The following INPP4B variants were observed in gnomAD, a reference collection of about 807,000 sequenced individuals.
INPP4B encodes inositol polyphosphate-4-phosphatase type II B, also known as inositol polyphosphate 4-phosphatase type II.
A neutral mutation model predicts 122.5 loss-of-function variants in INPP4B; 55 were observed. That is an observed-to-expected ratio of 0.45 (90% CI 0.36 to 0.56). The LOEUF (loss-of-function observed/expected upper bound fraction) is 0.56, where lower values mean the gene tolerates loss of function less well. Among genes scored for constraint, INPP4B ranks in the 20% least tolerant of loss-of-function variants. INPP4B has a pLI of 0.00. For synonymous variants in INPP4B, 403 were observed against 388.7 expected (o/e 1.04, Z -0.43); for missense variants, 1,000 against 1,097.7 (o/e 0.91, Z 1.26).
intron 25 of INPP4B, among the ~76,000 whole-genome samples, chr4:142,046,111 A>T (rs1245916735): frequency 6.6e-6 from 1 of 152,092 alleles, no homozygotes; most frequent in Non-Finnish European, 1.5e-5. Context: ...ACAAACTTTG[A>T]GAAGGGCCAA....
At chr4:142,111,410 A>T (rs903677443) in intron 22 of INPP4B, among the ~76,000 whole-genome samples, 15 of 151,680 alleles carry the variant, frequency 9.9e-5, no homozygotes, top group Admixed American at 9.2e-4. Context: ...GCAATGGTGC[A>T]ATCTCAGCTC....
intron 9 of INPP4B, among the ~76,000 whole-genome samples, chr4:142,286,283 T>C (rs1439800209): frequency 6.6e-6 from 1 of 152,216 alleles, no homozygotes; most frequent in Non-Finnish European, 1.5e-5. Flanking sequence ...TTTAGAGATT[T>C]CCGATTATAA....
chr4:142,584,760 G>A (rs116157777), intron 2 of INPP4B, among the ~76,000 whole-genome samples: 2,134 of 150,552 alleles, frequency 0.014, 38 homozygotes, highest in African/African-American at 0.041. Context: ...GTTTTTTGGG[G>A]AAAAAAAAAG....
At chr4:142,611,315 C>A (rs1023070349) in intron 2 of INPP4B, among the ~76,000 whole-genome samples, 2 of 152,166 alleles carry the variant, frequency 1.3e-5, no homozygotes, top group Admixed American at 1.3e-4. Flanking sequence ...GTTCCGCCTC[C>A]AACACTGGGT....
At chr4:142,636,695 G>A (rs1323937790) in intron 2 of INPP4B, among the ~76,000 whole-genome samples, 1 of 151,834 alleles carries the variant, frequency 6.6e-6, no homozygotes, top group Non-Finnish European at 1.5e-5. Flanking sequence ...TATTCTATAT[G>A]GATTATCTAA....
chr4:142,323,068 C>A (rs1461725527), intron 7 of INPP4B, among the ~76,000 whole-genome samples: 1 of 152,180 alleles, frequency 6.6e-6, no homozygotes, highest in Non-Finnish European at 1.5e-5. Context: ...AAATATGGTT[C>A]CCTTTGAAAA....
chr4:142,414,530 A>T (rs763224301), intron 5 of INPP4B, among the ~76,000 whole-genome samples: 25 of 152,176 alleles, frequency 1.6e-4, no homozygotes, highest in Admixed American at 6.5e-5. Flanking sequence ...CAGACAGCTT[A>T]TTTGCATATG....
intron 11 of INPP4B, among the ~76,000 whole-genome samples, chr4:142,244,709 A>G (rs1727012823): frequency 1.3e-5 from 2 of 152,172 alleles, no homozygotes; most frequent in Admixed American, 1.3e-4. Flanking sequence ...GTGTCTTTAT[A>G]GTAGAATGAT....
At chr4:142,642,137 G>A (rs1029260998) in intron 2 of INPP4B, among the ~76,000 whole-genome samples, 7 of 152,070 alleles carry the variant, frequency 4.6e-5, no homozygotes, top group African/African-American at 1.7e-4. Context: ...TTGTAAATTT[G>A]TTTGAGTTCT....
intron 25 of INPP4B, among the ~76,000 whole-genome samples, chr4:142,052,123 A>C (rs752692230): frequency 6.6e-6 from 1 of 151,996 alleles, no homozygotes; most frequent in Non-Finnish European, 1.5e-5. Flanking sequence ...AGAATAAACT[A>C]TTTTTATCAG....
chr4:142,314,738 G>A lies in INPP4B; in HGVS notation c.397C>T (p.His133Tyr), dbSNP rs529398027. 6.3e-7 allele frequency: 1 copy of A among 1,599,302 alleles called. No homozygotes were observed. Among genetic ancestry groups the A allele is most frequent in the African/African-American group, 1.3e-5 (1 of 74,578 alleles). ...DTVRTSVLPE[H>Y]KDPPPEVGRS... ...CCAACTTCTGGCGGGGGATCCTTAT[G>A]TTCTGGTAGGACACTGGTTCGAACC... Residue 133 changes from histidine to tyrosine, a missense_variant, in exon 8 of 26, where the codon CAT (histidine) becomes TAT (tyrosine). His to Tyr is a moderately conservative substitution (Grantham distance 83). Coordinates refer to ENST00000262992, the MANE Select transcript of INPP4B (RefSeq NM_001101669.3).
At chr4:142,398,103 C>T (rs1010086250) in intron 7 of INPP4B, among the ~76,000 whole-genome samples, 4 of 150,828 alleles carry the variant, frequency 2.7e-5, no homozygotes, top group African/African-American at 9.8e-5. Flanking sequence ...AGCCTGGGCG[C>T]GGTGGCTCAC....
chr4:142,696,182 C>T (rs1161022392), intron 2 of INPP4B, among the ~76,000 whole-genome samples: 1 of 152,118 alleles, frequency 6.6e-6, no homozygotes, highest in African/African-American at 2.4e-5. Flanking sequence ...TGGATTAAGG[C>T]ACACTCTGAT....
rs1440072144 is a variant in INPP4B, at chr4:142,202,865, T to C, written c.1072+5560A>G. On this transcript the variant is annotated intron_variant, in intron 14 of 25. Transcript: ENST00000262992. Reference sequence around the variant, plus strand: ...TAAGGGCAAGCCCATTCATTCCCTGTGGGCTCAAATCAGGAACTGAAAAGC... The same window carrying C: ...TAAGGGCAAGCCCATTCATTCCCTGCGGGCTCAAATCAGGAACTGAAAAGC... 4.3e-6 allele frequency: 3 copies of C among 692,326 alleles called. No homozygotes were observed. The Admixed American group carries it at 1.9e-4, about 44-fold the overall frequency. 42.9% of individuals were successfully genotyped at this position (692,326 alleles called of 1,614,324 possible). A position where few individuals can be genotyped will look rare whatever the true frequency, so the allele number is the denominator to read the frequency against.
chr4:142,781,681 T>C (rs1426686577), intron 1 of INPP4B, among the ~76,000 whole-genome samples: 1 of 152,152 alleles, frequency 6.6e-6, no homozygotes, highest in Non-Finnish European at 1.5e-5. Context: ...CAAAGGATCA[T>C]AGAATTTACA....
chr4:142,517,067 T>C (rs543909626), intron 2 of INPP4B, among the ~76,000 whole-genome samples: 7 of 150,888 alleles, frequency 4.6e-5, no homozygotes, highest in African/African-American at 1.7e-4. Flanking sequence ...AGTTTGCATA[T>C]GACTAGACAA....
intron 5 of INPP4B, among the ~76,000 whole-genome samples, chr4:142,427,943 GA>G (rs1216924010): frequency 7.3e-5 from 11 of 151,660 alleles, no homozygotes; most frequent in Non-Finnish European, 1.0e-4. Flanking sequence ...GAGAGAGAGG[GA>G]GAAAAAAATA....
At chr4:142,489,977 A>C (rs1207335991) in intron 2 of INPP4B, among the ~76,000 whole-genome samples, 1 of 152,056 alleles carries the variant, frequency 6.6e-6, no homozygotes, top group Non-Finnish European at 1.5e-5. Context: ...TTTTCCCATC[A>C]TTTTACTTCA....
intron 2 of INPP4B, among the ~76,000 whole-genome samples, chr4:142,488,216 T>A (rs1012003232): frequency 6.6e-6 from 1 of 152,082 alleles, no homozygotes; most frequent in African/African-American, 2.4e-5. Flanking sequence ...AATTTTTAAA[T>A]GTTGAACCAA....
Sources: gnomAD v4.1 joint callset for allele counts (sites outside exome capture counted in the v4.1 genomes callset) on GRCh38, gnomAD v4.1.1 for gene constraint, MANE v1.5 for transcripts, NCBI Gene and HGNC (gene_info 2026-07-23, HGNC 2026-07-21) for gene names.